Variants in DNER observed in about 807,000 individuals in gnomAD.
DNER encodes delta/notch like EGF repeat containing, also known as delta and Notch-like epidermal growth factor-related receptor.
In DNER, 33 loss-of-function variants were observed where a neutral mutation model predicts 78.2. That is an observed-to-expected ratio of 0.42 (90% confidence interval 0.32 to 0.56). The LOEUF is 0.56. Among genes scored for constraint, DNER ranks in the 20% least tolerant of loss-of-function variants. The pLI, the probability that DNER is intolerant of heterozygous loss-of-function variation, is 0.11. For missense variants in DNER, 918 were observed against 975.3 expected (o/e 0.94, Z 0.78); for synonymous variants, 417 against 384.8 (o/e 1.08, Z -0.98).
At chr2:229,367,523 C>G (rs1285574801) in intron 11 of DNER, among the ~76,000 whole-genome samples, 1 of 152,074 alleles carries the variant, frequency 6.6e-6, no homozygotes, top group East Asian at 1.9e-4. Context: ...ATCACTTGAA[C>G]TCGGGAGGCG....
intron 10 of DNER, among the ~76,000 whole-genome samples, chr2:229,398,761 G>A (rs182429295): frequency 6.6e-6 from 1 of 151,930 alleles, no homozygotes; most frequent in East Asian, 1.9e-4. Context: ...ATGACCAGGT[G>A]GTATATTCCA....
At chr2:229,558,560 C>G (rs1442633211) in intron 4 of DNER, among the ~76,000 whole-genome samples, 1 of 152,128 alleles carries the variant, frequency 6.6e-6, no homozygotes, top group Non-Finnish European at 1.5e-5. Flanking sequence ...TAAACATTTG[C>G]TTAAATCATA....
At chr2:229,446,805 T>C (rs1208949342) in intron 8 of DNER, among the ~76,000 whole-genome samples, 1 of 152,188 alleles carries the variant, frequency 6.6e-6, no homozygotes, top group Non-Finnish European at 1.5e-5. Flanking sequence ...AGGGAGCCAG[T>C]GATATAACAT....
chr2:229,508,484 T>C (rs1249217568), intron 6 of DNER, among the ~76,000 whole-genome samples: 2 of 152,174 alleles, frequency 1.3e-5, no homozygotes, highest in Admixed American at 6.5e-5. Flanking sequence ...GAGAATTGCA[T>C]GCATGATACC....
intron 8 of DNER, among the ~76,000 whole-genome samples, chr2:229,419,002 G>C (rs1363345068): frequency 6.6e-6 from 1 of 152,030 alleles, no homozygotes; most frequent in African/African-American, 2.4e-5. Flanking sequence ...AGTCAGAAAA[G>C]AAAATTAGCT....
At chr2:229,614,678 C>G (rs1698119119) in intron 1 of DNER, among the ~76,000 whole-genome samples, 1 of 152,180 alleles carries the variant, frequency 6.6e-6, no homozygotes, top group South Asian at 2.1e-4. Context: ...GAGCTATGAA[C>G]CCGGGCATAA....
chr2:229,382,180 G>A (rs897572307), intron 11 of DNER, among the ~76,000 whole-genome samples: 2 of 152,188 alleles, frequency 1.3e-5, no homozygotes, highest in Non-Finnish European at 2.9e-5. Flanking sequence ...GGGTCTGACT[G>A]TTAGAAGGAA....
At chr2:229,467,996 TG>T (rs1243641680) in intron 7 of DNER, among the ~76,000 whole-genome samples, 2 of 152,162 alleles carry the variant, frequency 1.3e-5, no homozygotes, top group Admixed American at 1.3e-4. Context: ...GCCGTGACAG[TG>T]GCACAGGGGG....
intron 11 of DNER, 94 bp from the exon 12 acceptor site, chr2:229,367,213 A>G: frequency 1.3e-6 from 2 of 1,517,780 alleles, no homozygotes; most frequent in Non-Finnish European, 1.8e-6. Flanking sequence ...CTTAAAACCT[A>G]AGGGCCATTC....
At chr2:229,665,257 A>T (rs183653828) in intron 1 of DNER, among the ~76,000 whole-genome samples, 11 of 152,186 alleles carry the variant, frequency 7.2e-5, no homozygotes, top group African/African-American at 2.2e-4. Context: ...AAATCTTGCC[A>T]GATTGAAGAA....
At chr2:229,586,398 CAA>C (rs938505021) in intron 3 of DNER, among the ~76,000 whole-genome samples, 22 of 150,560 alleles carry the variant, frequency 1.5e-4, no homozygotes, top group African/African-American at 5.4e-4. Flanking sequence ...CCAAAATAAG[CAA>C]AAGTGTGTCA....
chr2:229,699,603 G>A (rs1004482767), intron 1 of DNER, among the ~76,000 whole-genome samples: 1 of 152,016 alleles, frequency 6.6e-6, no homozygotes, highest in Admixed American at 6.6e-5. Flanking sequence ...AGGCTCAAGC[G>A]ATCCACCCAC....
intron 1 of DNER, among the ~76,000 whole-genome samples, chr2:229,705,459 A>C (rs981291741): frequency 6.6e-6 from 1 of 152,242 alleles, no homozygotes; most frequent in Admixed American, 6.5e-5. Flanking sequence ...GAAATACCTT[A>C]ACATTACACA....
rs1348905448 is a variant in DNER at position 229,482,721 on chromosome 2, G to A, written c.1148-5468C>T. 2.6e-5 allele frequency among the ~76,000 whole-genome samples: 4 copies of A among 152,310 alleles called. No homozygotes were observed. The South Asian group carries it at 8.3e-4, about 32-fold the overall frequency. Reference sequence around the variant, plus strand: ...ATTGTCCTGAGATGGAGAAATTACTGAAGAAAGTTAGCAATAAACTTTTGG... The same window carrying A: ...ATTGTCCTGAGATGGAGAAATTACTAAAGAAAGTTAGCAATAAACTTTTGG... On this transcript the variant is annotated intron_variant, in intron 6 of 12. Coordinates refer to ENST00000341772, the MANE Select transcript of DNER (RefSeq NM_139072.4).
intron 6 of DNER, among the ~76,000 whole-genome samples, chr2:229,501,919 C>T (rs1261210963): frequency 3.3e-5 from 5 of 152,196 alleles, no homozygotes; most frequent in Non-Finnish European, 5.9e-5. Flanking sequence ...GCCTGGCTTA[C>T]AGACAGCAGT....
At chr2:229,653,557 C>T (rs1698858109) in intron 1 of DNER, among the ~76,000 whole-genome samples, 1 of 151,816 alleles carries the variant, frequency 6.6e-6, no homozygotes, top group South Asian at 2.1e-4. Context: ...TGCACCAAGC[C>T]TCAGCTAGCA....
chr2:229,459,013 A>G (rs1230213750), intron 7 of DNER, among the ~76,000 whole-genome samples: 2 of 152,078 alleles, frequency 1.3e-5, no homozygotes, highest in Admixed American at 1.3e-4. Context: ...ACTGGCATTT[A>G]TAATATTATC....
At chr2:229,564,102 A>T (rs1353595377) in intron 4 of DNER, among the ~76,000 whole-genome samples, 135 of 57,970 alleles carry the variant, frequency 2.3e-3, no homozygotes, top group Middle Eastern at 0.019. Context: ...ATCATCATCA[A>T]CATCATCACC....
intron 1 of DNER, among the ~76,000 whole-genome samples, chr2:229,691,002 CT>C (rs1183867037): frequency 6.6e-6 from 1 of 152,156 alleles, no homozygotes; most frequent in Non-Finnish European, 1.5e-5. Flanking sequence ...AGCTACAAGA[CT>C]TTTTTATCAT....
Sources: allele counts gnomAD v4.1 joint callset (sites outside exome capture counted in the v4.1 genomes callset), GRCh38; gene constraint gnomAD v4.1.1; transcripts MANE v1.5; gene names NCBI Gene and HGNC (gene_info 2026-07-23, HGNC 2026-07-21).